The following KRT85 variants were observed in gnomAD, a reference collection of about 807,000 sequenced individuals.
KRT85 encodes keratin 85.
In KRT85, 39 loss-of-function variants were observed where a neutral mutation model predicts 53.7. The ratio of observed to expected loss-of-function variants is 0.73; its 90% CI spans 0.56 to 0.95. The LOEUF (loss-of-function observed/expected upper bound fraction) is 0.95. KRT85 is among the 40% of genes least tolerant of loss of function. KRT85 has a pLI of 0.00. For synonymous variants in KRT85, 291 were observed against 277.5 expected (o/e 1.05, Z -0.48); for missense variants, 668 against 686.0 (o/e 0.97, Z 0.29).
chr12:52,360,702 GCCCGAGGGTCTTT>G lies in KRT85; in HGVS notation c.*138_*150del. The G allele has an allele frequency of 1.2e-6, 1 of 859,496 alleles. No homozygotes were observed. The highest frequency in any genetic ancestry group is 2.5e-5 in the East Asian group (1 of 39,240). The allele number at this position is 859,496 out of a possible 1,614,324, so 53.2% of individuals were successfully genotyped here. A position where few individuals can be genotyped will look rare whatever the true frequency, so the allele number is the denominator to read the frequency against. Reference sequence around the variant, plus strand: ...TAGCATGAAAAGGCGCAGGGGAGCGGCCCGAGGGTCTTTCCCTCTGTAGGTCTTTCCCTCTGTA... The same window carrying G: ...TAGCATGAAAAGGCGCAGGGGAGCGGCCCTCTGTAGGTCTTTCCCTCTGTA... On this transcript the variant is annotated 3_prime_UTR_variant, in exon 9 of 9. Transcript: ENST00000257901.
At position 52,362,383 on chromosome 12, in the gene KRT85, T is replaced by A; in HGVS notation, c.1166A>T (p.Glu389Val). Reference sequence around the variant, plus strand: ...CTGCTTGGCCTTCTGCAGGGCGCCCTCCAGCTCAGCCAGCTTGCAGCGGGC... The same window carrying A: ...CTGCTTGGCCTTCTGCAGGGCGCCCACCAGCTCAGCCAGCTTGCAGCGGGC... ...SDARCKLAELEGALQKAKQDM... is the reference protein window; with the variant it reads ...SDARCKLAELVGALQKAKQDM... Residue 389 changes from glutamate (E) to valine (V), a missense_variant, in exon 7 of 9, where the codon GAG becomes GTG. This residue lies in a region of KRT85 where 488 missense variants were observed against 498.1 expected (regional missense o/e 0.98). Transcript: ENST00000257901. 6.2e-7 allele frequency: 1 copy of A among 1,614,164 alleles called. No individual in the cohort carries two copies. Among genetic ancestry groups the A allele is most frequent in the Non-Finnish European group, 8.5e-7 (1 of 1,180,028 alleles).
At chr12:52,365,389 T>A (rs544477872) in intron 1 of KRT85, among the ~76,000 whole-genome samples, 1 of 152,228 alleles carries the variant, frequency 6.6e-6, no homozygotes, top group Non-Finnish European at 1.5e-5. Context: ...AGCCCCAGTT[T>A]TGATACTTTA....
Position 52,360,940 on chromosome 12 carries a change from C to A in KRT85, c.1437G>T (p.Thr479=), listed in dbSNP as rs768707432. Reference sequence around the variant, plus strand: ...GGGCACAGGAGTCAGGGGCCACCACCGTGATGCTGCCGCCTATGGCTGAGG... The same window carrying A: ...GGGCACAGGAGTCAGGGGCCACCACAGTGATGCTGCCGCCTATGGCTGAGG... ...SGPSAIGGSI[T]VVAPDSCAPC... The change falls in exon 9 of 9, where the codon ACG becomes ACT. Residue 479 remains threonine (T), a synonymous_variant. Coordinates refer to ENST00000257901, the MANE Select transcript of KRT85 (RefSeq NM_002283.4). 5.0e-6 allele frequency: 8 copies of A among 1,613,018 alleles called. No homozygotes were observed. The Admixed American group carries it at 1.2e-4, about 24-fold the overall frequency.
At chr12:52,364,701 A>T in intron 2 of KRT85, 1 of 1,425,624 alleles carries the variant, frequency 7.0e-7, no homozygotes, top group African/African-American at 1.4e-5. Flanking sequence ...GCTGTGAAGG[A>T]CAGGGACATA....
chr12:52,361,535 G>C, intron 7 of KRT85, 37 bp from the exon 8 acceptor site: 1 of 1,602,398 alleles, frequency 6.2e-7, no homozygotes, highest in South Asian at 1.1e-5. Flanking sequence ...TCCAGACACT[G>C]AGTTGGATTC....
At position 52,361,480 on chromosome 12, in the gene KRT85, G is replaced by A. The variant is rs1031379672; in HGVS notation, c.1317C>T (p.Gly439=). ...GCAGATACTCACAGACATTCACAGA[G>A]CCCACACCTTCACACAGCCTATGGA... ...GEEHRLCEGV[G]SVNVCVSSSR... Residue 439 remains glycine, a synonymous_variant, in exon 8 of 9, where the codon GGC becomes GGT. Transcript: ENST00000257901. 6.2e-7 allele frequency: 1 copy of A among 1,614,014 alleles called. No homozygotes were observed. The highest frequency in any genetic ancestry group is 1.1e-5 in the South Asian group (1 of 91,076).
chr12:52,361,722 G>A (rs565300697), intron 7 of KRT85, among the ~76,000 whole-genome samples: 1 of 152,334 alleles, frequency 6.6e-6, no homozygotes, highest in Non-Finnish European at 1.5e-5. Flanking sequence ...TATGAACAGT[G>A]CCCCTAGTTT....
chr12:52,363,079 C>T, intron 5 of KRT85, 100 bp from the exon 6 acceptor site: 2 of 1,587,236 alleles, frequency 1.3e-6, no homozygotes, highest in Non-Finnish European at 1.7e-6. Flanking sequence ...TCAGCCTGTG[C>T]AACCACACAT....
rs1565766964 is a variant in KRT85, at chr12:52,361,012, C to T, written c.1365G>A (p.Gly455=). ...CTGGGGTGGTGCTGTAGGAGAGGCCCCCACAGGAGACTCCACCACGGGAGC... is the reference window on the plus strand; with the variant it reads ...CTGGGGTGGTGCTGTAGGAGAGGCCTCCACAGGAGACTCCACCACGGGAGC... The part of the protein sequence containing the change: ...VSSSRGGVSC[G]GLSYSTTPGR... Residue 455 remains glycine (G), a synonymous_variant, in exon 9 of 9, where the codon GGG becomes GGA. Transcript: ENST00000257901. 2 of 1,613,518 alleles carry T rather than the reference C, an allele frequency of 1.2e-6. No homozygotes were observed. Among genetic ancestry groups the T allele is most frequent in the Admixed American group, 1.7e-5 (1 of 59,980 alleles).
Position 52,362,848 on chromosome 12 carries a change from C to A in KRT85, c.1077+6G>T, listed in dbSNP as rs779947774. ...GCTGCGTATTTGAATCCTCCACAGA[C>A]CCCACCTGGCACTTGGCATTCTCAA... is the stretch of plus-strand genomic sequence containing the variant. On this transcript the variant is annotated splice_donor_region_variant and intron_variant, in intron 6 of 8. Coordinates refer to ENST00000257901, the MANE Select transcript of KRT85 (RefSeq NM_002283.4). 16 of 1,614,192 alleles carry A rather than the reference C, an allele frequency of 9.9e-6. No individual in the cohort carries two copies. The highest frequency in any genetic ancestry group is 7.7e-5 in the South Asian group (7 of 91,078).
At position 52,364,955 on chromosome 12, in the gene KRT85, C is replaced by T. The variant is rs1181681074; in HGVS notation, c.629+7G>A. Reference sequence around the variant, plus strand: ...TCCCCTGAGTCCCCCCAGCTTGCTGCACTCACTTCTTCTTGTAGCCCTCCA... The same window carrying T: ...TCCCCTGAGTCCCCCCAGCTTGCTGTACTCACTTCTTCTTGTAGCCCTCCA... On this transcript the variant is annotated splice_region_variant and intron_variant, in intron 2 of 8. Transcript: ENST00000257901. The T allele has an allele frequency of 1.2e-6, 2 of 1,612,308 alleles. No individual in the cohort carries two copies. The highest frequency in any genetic ancestry group is 2.7e-5 in the African/African-American group (2 of 74,892).
chr12:52,367,279 A>C lies in KRT85; in HGVS notation c.127T>G (p.Ser43Ala). The C allele has an allele frequency of 6.2e-7, 1 of 1,612,656 alleles. No homozygotes were observed. Among genetic ancestry groups the C allele is most frequent in the Non-Finnish European group, 8.5e-7 (1 of 1,178,956 alleles). Residue 43 changes from serine to alanine, a missense_variant, in exon 1 of 9, where the codon TCC becomes GCC. Physicochemically the swap from Ser to Ala is moderately conservative, Grantham distance 99. Transcript: ENST00000257901. ...AAGCCCGTCAGCCCTCGGTAGCAGGACACCCCTCGGTAGGGGGCGGCGCTG... is the reference window on the plus strand; with the variant it reads ...AAGCCCGTCAGCCCTCGGTAGCAGGCCACCCCTCGGTAGGGGGCGGCGCTG... Reference protein sequence around the residue: ...CISAAPYRGVSCYRGLTGFGS... With the variant: ...CISAAPYRGVACYRGLTGFGS...
In KRT85 at chr12:52,362,453, C is replaced by G. The variant is rs1488792645; in HGVS notation, c.1096G>C (p.Ala366Pro). 1 of 1,614,172 alleles carries G rather than the reference C, an allele frequency of 6.2e-7. No individual in the cohort carries two copies. The highest frequency in any genetic ancestry group is 1.1e-5 in the South Asian group (1 of 91,086). The change falls in exon 7 of 9, where the codon GCT (alanine) becomes CCT (proline). Residue 366 changes from alanine to proline, a missense_variant. Around this residue, in one of 3 missense-constraint regions of KRT85, gnomAD observed 488 missense variants for 498.1 expected, o/e 0.98. Coordinates refer to ENST00000257901, the MANE Select transcript of KRT85 (RefSeq NM_002283.4). The part of the protein sequence containing the change: ...AKCQRAKLEA[A>P]VAEAEQQGEA... ...CCCTGCTGCTCTGCCTCAGCCACAG[C>G]AGCCTCCAGCTTGGCACGCTATCAG...
At chr12:52,364,687 G>A in intron 2 of KRT85, 1 of 1,435,548 alleles carries the variant, frequency 7.0e-7, no homozygotes, top group Non-Finnish European at 9.1e-7. Context: ...TGTCATAAAG[G>A]TAAGCTGTGA....
rs1273351522 is a variant in KRT85, at chr12:52,364,976, C to A, written c.615G>T (p.Glu205Asp). ...GCTGCACTCACTTCTTCTTGTAGCC[C>A]TCCAGCACCTCCTGCACATGGTTGA... The part of the protein sequence containing the change: ...SELNHVQEVL[E>D]GYKKKYEEEV... The change falls in exon 2 of 9, where the codon GAG (glutamate) becomes GAT (aspartate). Residue 205 changes from glutamate to aspartate, a missense_variant. By Grantham distance (45) the Glu-to-Asp change is conservative. This residue lies in a region of KRT85 where 488 missense variants were observed against 498.1 expected (regional missense o/e 0.98). Coordinates refer to ENST00000257901, the MANE Select transcript of KRT85 (RefSeq NM_002283.4). 6.2e-7 allele frequency: 1 copy of A among 1,612,732 alleles called. No individual in the cohort carries two copies. Among genetic ancestry groups the A allele is most frequent in the South Asian group, 1.1e-5 (1 of 91,010 alleles).
intron 6 of KRT85, 146 bp downstream of exon 6, chr12:52,362,708 G>A (rs1939211034): frequency 7.3e-7 from 1 of 1,372,336 alleles, no homozygotes; most frequent in Admixed American, 1.9e-5. Flanking sequence ...GGAAGTCAGT[G>A]ACATGGTCTG....
At position 52,360,791 on chromosome 12, in the gene KRT85, C is replaced by T; in HGVS notation, c.*62G>A. ...AAGCACACATTTTCCATTCACATGC[C>T]ATTCAGTGCAGTGATGCAGGCAGGC... On this transcript the variant is annotated 3_prime_UTR_variant, in exon 9 of 9. Coordinates refer to ENST00000257901, the MANE Select transcript of KRT85 (RefSeq NM_002283.4). 1 of 1,505,518 alleles carries T rather than the reference C, an allele frequency of 6.6e-7. No homozygotes were observed. Among genetic ancestry groups the T allele is most frequent in the Non-Finnish European group, 9.2e-7 (1 of 1,082,858 alleles). The allele number at this position is 1,505,518 out of a possible 1,614,324, so 93.3% of individuals were successfully genotyped here.
chr12:52,364,860 G>A, intron 2 of KRT85, 102 bp downstream of exon 2: 2 of 1,598,010 alleles, frequency 1.3e-6, no homozygotes, highest in Admixed American at 1.7e-5. Flanking sequence ...CAGGCAGCCT[G>A]CTAGAGGAAT....
Position 52,367,126 on chromosome 12 carries a change from A to C in KRT85, c.280T>G (p.Cys94Gly). 6.2e-7 allele frequency: 1 copy of C among 1,613,402 alleles called. No homozygotes were observed. Residue 94 changes from cysteine (C) to glycine (G), a missense_variant, in exon 1 of 9, where the codon TGC becomes GGC. By Grantham distance (159) the Cys-to-Gly change is radical. Around this residue, in one of 3 missense-constraint regions of KRT85, gnomAD observed 158 missense variants for 141.8 expected, o/e 1.11. Coordinates refer to ENST00000257901, the MANE Select transcript of KRT85 (RefSeq NM_002283.4). ...SGGVCGPSPP[C>G]ITTVSVNESL... The stretch of plus-strand genomic sequence containing the variant: ...TCGTTGACCGACACGGTAGTGATGC[A>C]TGGGGGGCTGGGTCCGCACACGCCC...
Sources: gnomAD v4.1 joint callset for allele counts (sites outside exome capture counted in the v4.1 genomes callset) on GRCh38, gnomAD v4.1.1 for gene constraint, gnomAD v4.1.1 regional missense constraint, MANE v1.5 for transcripts, NCBI Gene and HGNC (gene_info 2026-07-23, HGNC 2026-07-21) for gene names.